Variants in CPNE4 observed in about 807,000 individuals in gnomAD.
CPNE4 encodes copine 4.
In CPNE4, 25 loss-of-function variants were observed where a neutral mutation model predicts 67.9. The observed-to-expected ratio is 0.37, with a 90% CI of 0.27 to 0.51. CPNE4 has a LOEUF of 0.51. Ranked by LOEUF, CPNE4 falls within the 20% of genes least tolerant of loss-of-function variation. The pLI, the probability that CPNE4 is intolerant of heterozygous loss-of-function variation, is 0.93. For synonymous variants in CPNE4, 242 were observed against 244.9 expected (o/e 0.99, Z 0.11); for missense variants, 464 against 690.8 (o/e 0.67, Z 3.68).
At chr3:131,913,382 G>C (rs1449777126) in intron 1 of CPNE4, among the ~76,000 whole-genome samples, 4 of 152,170 alleles carry the variant, frequency 2.6e-5, no homozygotes, top group Non-Finnish European at 5.9e-5. Context: ...CATTCCACTG[G>C]TAAGGAAAGA....
At chr3:131,663,519 GA>G (rs533061468) in intron 7 of CPNE4, among the ~76,000 whole-genome samples, 43 of 150,452 alleles carry the variant, frequency 2.9e-4, no homozygotes, top group Non-Finnish European at 4.9e-4. Flanking sequence ...AAACTTAAAG[GA>G]AAAAAAAAGA....
Position 131,924,198 on chromosome 3 carries a change from T to C in CPNE4, c.-1-18754A>G, listed in dbSNP as rs1293244208. Reference sequence around the variant, plus strand: ...GCCACATGACATATCTTGTCTCCCTTACAGCTGCTAAGTCCTTATTTGTTT... The same window carrying C: ...GCCACATGACATATCTTGTCTCCCTCACAGCTGCTAAGTCCTTATTTGTTT... On this transcript the variant is annotated intron_variant, in intron 1 of 15. Transcript: ENST00000429747. Among the ~76,000 whole-genome samples, 3 of 152,324 alleles carry C rather than the reference T, an allele frequency of 2.0e-5. No homozygotes were observed. In the East Asian group the frequency reaches 5.8e-4, roughly 29 times the overall value.
chr3:131,926,528 A>C (rs1355852123), intron 1 of CPNE4, among the ~76,000 whole-genome samples: 1 of 152,176 alleles, frequency 6.6e-6, no homozygotes, highest in African/African-American at 2.4e-5. Context: ...TAAAACAAGA[A>C]AAGTTTCTTG....
At chr3:131,940,817 G>A (rs922797092) in intron 1 of CPNE4, among the ~76,000 whole-genome samples, 8 of 152,038 alleles carry the variant, frequency 5.3e-5, no homozygotes, top group Admixed American at 1.3e-4. Flanking sequence ...AGATGTCGGT[G>A]TCTTTCTTCT....
At chr3:131,602,710 T>A (rs1485887506) in intron 7 of CPNE4, among the ~76,000 whole-genome samples, 1 of 152,128 alleles carries the variant, frequency 6.6e-6, no homozygotes, top group Non-Finnish European at 1.5e-5. Context: ...TGACAGTGAT[T>A]TATGCCCCAG....
chr3:131,621,995 G>A (rs1219716116), intron 7 of CPNE4, among the ~76,000 whole-genome samples: 2 of 144,016 alleles, frequency 1.4e-5, no homozygotes, highest in African/African-American at 2.6e-5. Context: ...CTCCAGCCTG[G>A]GCAACAAAGC....
Position 131,564,283 on chromosome 3 carries a change from G to T in CPNE4, c.994C>A (p.Pro332Thr). 1.9e-6 allele frequency: 3 copies of T among 1,612,932 alleles called. No homozygotes were observed. The highest frequency in any genetic ancestry group is 2.5e-6 in the Non-Finnish European group (3 of 1,179,300). The change falls in exon 11 of 16, where the codon CCT becomes ACT. Residue 332 changes from proline (P) to threonine (T), a missense_variant. Around this residue, in one of 6 missense-constraint regions of CPNE4, gnomAD observed 201 missense variants for 357.7 expected, o/e 0.56. Coordinates refer to ENST00000429747, the MANE Select transcript of CPNE4 (RefSeq NM_130808.3). ...RNSCSLHYIH[P>T]YQPNEYLKAL... ...TTCAGATACTCATTGGGTTGGTAAGGGTGGATGTAGTGCAAGGAACAGCTG... is the reference window on the plus strand; with the variant it reads ...TTCAGATACTCATTGGGTTGGTAAGTGTGGATGTAGTGCAAGGAACAGCTG...
At chr3:131,686,152 C>G (rs1406835686) in intron 5 of CPNE4, among the ~76,000 whole-genome samples, 194 bp from the exon 6 acceptor site, 1 of 152,116 alleles carries the variant, frequency 6.6e-6, no homozygotes, top group Non-Finnish European at 1.5e-5. Flanking sequence ...ATCATGAGCC[C>G]CACCCTTTCT....
At chr3:131,949,495 A>G (rs2071656680) in intron 1 of CPNE4, among the ~76,000 whole-genome samples, 1 of 152,214 alleles carries the variant, frequency 6.6e-6, no homozygotes, top group Non-Finnish European at 1.5e-5. Flanking sequence ...AAAATGCAGA[A>G]GTATTTATCA....
At chr3:131,685,983 T>C (rs1161449110) in intron 5 of CPNE4, 25 bp from the exon 6 acceptor site, 4 of 1,299,154 alleles carry the variant, frequency 3.1e-6, no homozygotes, top group Non-Finnish European at 4.5e-6. Flanking sequence ...CGTCAATGAA[T>C]TGTTTTTCCT....
chr3:131,710,627 T>C (rs191821271), intron 3 of CPNE4, among the ~76,000 whole-genome samples: 5 of 152,270 alleles, frequency 3.3e-5, no homozygotes, highest in South Asian at 2.1e-4. Flanking sequence ...CAGTGTACTC[T>C]TTGGTGAATC....
chr3:131,807,466 T>C (rs966956741), intron 2 of CPNE4, among the ~76,000 whole-genome samples: 3 of 152,232 alleles, frequency 2.0e-5, no homozygotes, highest in Admixed American at 1.3e-4. Context: ...AGTGTATGCA[T>C]GAACTAGGGT....
chr3:131,635,713 C>T (rs1001897275), intron 7 of CPNE4, among the ~76,000 whole-genome samples: 1 of 152,100 alleles, frequency 6.6e-6, no homozygotes, highest in African/African-American at 2.4e-5. Context: ...ACAGACCAAA[C>T]AGGGGAGAGG....
intron 2 of CPNE4, among the ~76,000 whole-genome samples, chr3:131,876,563 A>T (rs1330242039): frequency 6.8e-6 from 1 of 147,660 alleles, no homozygotes; most frequent in Non-Finnish European, 1.5e-5. Flanking sequence ...AATGGCGTGA[A>T]CCCGGGAGGC....
chr3:131,750,546 T>G (rs1036885046), intron 2 of CPNE4, among the ~76,000 whole-genome samples: 2 of 152,160 alleles, frequency 1.3e-5, no homozygotes, highest in African/African-American at 4.8e-5. Flanking sequence ...CCAGATCAAG[T>G]GACATAATGG....
chr3:132,010,038 TAA>T (rs1314736746), intron 1 of CPNE4, among the ~76,000 whole-genome samples: 2 of 152,226 alleles, frequency 1.3e-5, no homozygotes, highest in Non-Finnish European at 2.9e-5. Flanking sequence ...CACTAGCAAT[TAA>T]ATTAGCCACA....
chr3:131,886,909 G>A (rs1430835779), intron 2 of CPNE4, among the ~76,000 whole-genome samples: 2 of 152,186 alleles, frequency 1.3e-5, no homozygotes, highest in African/African-American at 4.8e-5. Context: ...TAGACAGAAG[G>A]GACATGCCTT....
At chr3:132,031,731 A>T (rs2074240292) in intron 1 of CPNE4, among the ~76,000 whole-genome samples, 1 of 152,194 alleles carries the variant, frequency 6.6e-6, no homozygotes, top group Non-Finnish European at 1.5e-5. Context: ...CATAGTGCAA[A>T]CCTTATAAAT....
At chr3:131,897,053 A>G (rs1054585175) in intron 2 of CPNE4, among the ~76,000 whole-genome samples, 2 of 152,106 alleles carry the variant, frequency 1.3e-5, no homozygotes, top group Non-Finnish European at 2.9e-5. Context: ...CATGAAACAC[A>G]TGGTTTTAGA....
Sources: gnomAD v4.1 joint callset for allele counts (sites outside exome capture counted in the v4.1 genomes callset) on GRCh38, gnomAD v4.1.1 for gene constraint, gnomAD v4.1.1 regional missense constraint, MANE v1.5 for transcripts, NCBI Gene and HGNC (gene_info 2026-07-23, HGNC 2026-07-21) for gene names.